ESRRG: variants seen among roughly 807,000 people sequenced by gnomAD.
The protein encoded by ESRRG is estrogen related receptor gamma.
Under a neutral mutation model 44.0 loss-of-function variants are expected in ESRRG, and 13 were observed. That is an observed-to-expected ratio of 0.30 (90% confidence interval 0.19 to 0.47). The LOEUF (loss-of-function observed/expected upper bound fraction) is 0.47. ESRRG is among the 20% of genes least tolerant of loss of function. ESRRG has a pLI of 1.00. For missense variants in ESRRG, 395 were observed against 580.6 expected (o/e 0.68, Z 3.29); for synonymous variants, 215 against 214.6 (o/e 1.00, Z -0.02).
At chr1:216,579,165 A>C (rs2062246539) in intron 3 of ESRRG, among the ~76,000 whole-genome samples, 1 of 152,134 alleles carries the variant, frequency 6.6e-6, no homozygotes, top group Non-Finnish European at 1.5e-5. Flanking sequence ...TAAGATGACT[A>C]TAAATTCTGT....
At chr1:216,934,878 C>T (rs1226184443) in intron 2 of ESRRG, among the ~76,000 whole-genome samples, 1 of 152,150 alleles carries the variant, frequency 6.6e-6, no homozygotes, top group Admixed American at 6.6e-5. Context: ...GTCCACTTCA[C>T]TTAGGTTAGA....
intron 5 of ESRRG, among the ~76,000 whole-genome samples, chr1:216,541,973 G>A (rs2052949171): frequency 6.6e-6 from 1 of 151,724 alleles, no homozygotes; most frequent in Non-Finnish European, 1.5e-5. Flanking sequence ...CCGAGCCCAA[G>A]ACGTTCCCTG....
At chr1:216,576,258 A>G (rs2061659133) in intron 3 of ESRRG, among the ~76,000 whole-genome samples, 1 of 151,930 alleles carries the variant, frequency 6.6e-6, no homozygotes, top group Admixed American at 6.6e-5. Context: ...GCTTGGCTGC[A>G]TGTGGAAACA....
chr1:216,723,682 G>C (rs1242651675), upstream of ESRRG, among the ~76,000 whole-genome samples: 3 of 152,034 alleles, frequency 2.0e-5, no homozygotes, highest in African/African-American at 7.2e-5. Flanking sequence ...CGATTGAAAC[G>C]CTCCCAATAC....
chr1:216,567,886 C>A, intron 4 of ESRRG, 102 bp downstream of exon 4: 2 of 715,566 alleles, frequency 2.8e-6, no homozygotes, highest in East Asian at 5.2e-5. Context: ...AAAGAGAAGT[C>A]TCCTTGGAGT....
chr1:216,767,882 C>T (rs997265475), intron 2 of ESRRG, among the ~76,000 whole-genome samples: 2 of 152,106 alleles, frequency 1.3e-5, no homozygotes, highest in African/African-American at 4.8e-5. Context: ...CAACACAACT[C>T]TTTCATAAGA....
intron 1 of ESRRG, among the ~76,000 whole-genome samples, chr1:217,054,479 C>T (rs536710468): frequency 6.6e-6 from 1 of 152,112 alleles, no homozygotes; most frequent in Non-Finnish European, 1.5e-5. Flanking sequence ...AGGGTCGACT[C>T]AAAAGAAAGG....
At chr1:216,681,613 T>A (rs79123253) in intron 1 of ESRRG, among the ~76,000 whole-genome samples, 2,128 of 152,276 alleles carry the variant, frequency 0.014, 47 homozygotes, top group African/African-American at 0.048. Flanking sequence ...CAACCTAGGA[T>A]GTCATTTCCT....
chr1:216,776,370 G>C (rs767451613), intron 2 of ESRRG, among the ~76,000 whole-genome samples: 2 of 151,974 alleles, frequency 1.3e-5, no homozygotes, highest in Non-Finnish European at 2.9e-5. Flanking sequence ...TCGCCTCAAA[G>C]GCTGACTTAG....
intron 2 of ESRRG, among the ~76,000 whole-genome samples, chr1:216,769,434 G>A (rs1339262391): frequency 1.3e-5 from 2 of 152,062 alleles, no homozygotes; most frequent in African/African-American, 4.8e-5. Context: ...GGCAAATAGT[G>A]TGAGATGACA....
chr1:217,020,706 G>C (rs2080160850), intron 1 of ESRRG, among the ~76,000 whole-genome samples: 1 of 152,166 alleles, frequency 6.6e-6, no homozygotes, highest in South Asian at 2.1e-4. Flanking sequence ...ATAAGGTGCT[G>C]TTGAAAAATC....
chr1:217,134,402 T>G (rs1017594301), intron 1 of ESRRG, among the ~76,000 whole-genome samples: 1 of 152,186 alleles, frequency 6.6e-6, no homozygotes, highest in South Asian at 2.1e-4. Context: ...GAAGTTGATC[T>G]CGATGCGCGC....
At chr1:217,013,220 TAA>T (rs1420790643) in intron 1 of ESRRG, among the ~76,000 whole-genome samples, 1 of 152,188 alleles carries the variant, frequency 6.6e-6, no homozygotes, top group African/African-American at 2.4e-5. Flanking sequence ...ATTCAACCCA[TAA>T]CAAAACTATA....
intron 2 of ESRRG, chr1:216,805,244 T>C (rs2148372040): frequency 6.6e-6 from 1 of 152,254 alleles, no homozygotes; most frequent in South Asian, 2.1e-4. Context: ...GAATCAAATA[T>C]TTAGACTAAT....
chr1:217,133,631 T>TTCTTTCTCTCTC lies in ESRRG; in HGVS notation c.-230+4035_-230+4036insGAGAGAGAAAGA, dbSNP rs1491192210. On this transcript the variant is annotated intron_variant, in intron 1 of 8. Transcript: ENST00000366940. The stretch of plus-strand genomic sequence containing the variant: ...TTTCTTTCTTTCTTTCTTTCTTTCT[T>TTCTTTCTCTCTC]TCTCTCTCTCTCTCTCTTTCTTTCT... 1.7e-3 allele frequency among the ~76,000 whole-genome samples: 101 copies of TTCTTTCTCTCTC among 58,434 alleles called. 1 individual carries two copies. Among genetic ancestry groups the TTCTTTCTCTCTC allele is most frequent in the Non-Finnish European group, 2.3e-3 (53 of 22,920 alleles). 38.3% of individuals were successfully genotyped at this position (58,434 alleles called of 152,430 possible).
At chr1:217,026,712 C>A (rs2081225538) in intron 1 of ESRRG, among the ~76,000 whole-genome samples, 1 of 152,098 alleles carries the variant, frequency 6.6e-6, no homozygotes, top group African/African-American at 2.4e-5. Context: ...AACTTTGCAG[C>A]CTGCAACATA....
intron 3 of ESRRG, among the ~76,000 whole-genome samples, chr1:216,606,896 C>T (rs2060001873): frequency 1.3e-5 from 2 of 152,088 alleles, no homozygotes; most frequent in Non-Finnish European, 1.5e-5. Flanking sequence ...TACATAACTG[C>T]ACAGCACCAC....
intron 1 of ESRRG, among the ~76,000 whole-genome samples, chr1:216,961,216 TAAAG>T (rs1234527004): frequency 6.6e-6 from 1 of 152,170 alleles, no homozygotes; most frequent in Non-Finnish European, 1.5e-5. Flanking sequence ...GATTAAACGT[TAAAG>T]AAACCCTACC....
At chr1:216,826,062 A>C (rs1399412261) in intron 2 of ESRRG, among the ~76,000 whole-genome samples, 3 of 152,114 alleles carry the variant, frequency 2.0e-5, no homozygotes, top group Non-Finnish European at 4.4e-5. Flanking sequence ...GAGGAGCAGC[A>C]AAGTTTATCT....
Sources: gnomAD v4.1 joint callset for allele counts (sites outside exome capture counted in the v4.1 genomes callset) on GRCh38, gnomAD v4.1.1 for gene constraint, MANE v1.5 for transcripts, NCBI Gene and HGNC (gene_info 2026-07-23, HGNC 2026-07-21) for gene names.